MARCO: variants seen among roughly 807,000 people sequenced by gnomAD.
MARCO encodes the protein macrophage receptor MARCO.
MARCO carries 72 observed loss-of-function variants against 70.0 expected under a neutral mutation model. That is an observed-to-expected ratio of 1.03 (90% confidence interval 0.85 to 1.25). The LOEUF is 1.25. Ranked by LOEUF, MARCO falls within the 50% of genes most tolerant of loss-of-function variation. The pLI is 0.00. For missense variants in MARCO, 696 were observed against 659.3 expected, an observed-to-expected ratio of 1.06 and a Z score of -0.61; for synonymous variants, 273 against 243.1, an observed-to-expected ratio of 1.12 and a Z score of -1.14.
chr2:118,965,767 T>C (rs1316566747), intron 1 of MARCO, among the ~76,000 whole-genome samples: 1 of 152,218 alleles, frequency 6.6e-6, no homozygotes, highest in Non-Finnish European at 1.5e-5. Context: ...AATGACAATT[T>C]AGTTTTCAGA....
chr2:118,963,397 C>T (rs1421395021), intron 1 of MARCO, among the ~76,000 whole-genome samples: 1 of 151,918 alleles, frequency 6.6e-6, no homozygotes, highest in African/African-American at 2.4e-5. Context: ...TGGAGATTTT[C>T]CTGTTGCCTA....
intron 1 of MARCO, among the ~76,000 whole-genome samples, chr2:118,959,259 C>T (rs1439368992): frequency 1.3e-5 from 2 of 152,086 alleles, no homozygotes; most frequent in East Asian, 3.9e-4. Context: ...GATTAATGTC[C>T]AGAATCTACA....
intron 1 of MARCO, among the ~76,000 whole-genome samples, chr2:118,958,545 T>A (rs1458377410): frequency 6.6e-6 from 1 of 152,140 alleles, no homozygotes; most frequent in Non-Finnish European, 1.5e-5. Flanking sequence ...TGCTCATGGA[T>A]GGGTAGAAAC....
In MARCO at chr2:118,945,301, A is replaced by G. The variant is rs188619921; in HGVS notation, c.97+2904A>G. Among the ~76,000 whole-genome samples, 641 of 150,536 alleles carry G rather than the reference A, an allele frequency of 4.3e-3. 9 individuals are homozygous for G. Among genetic ancestry groups the G allele is most frequent in the Non-Finnish European group, 5.0e-3 (339 of 67,694 alleles). On this transcript the variant is annotated intron_variant, in intron 1 of 16. Transcript: ENST00000327097. ...TGTCTGGCTTTAGGCTTCCTGTCAC[A>G]CTCCTGGCCGTCTGGTTTCTCAAGG...
intron 8 of MARCO, among the ~76,000 whole-genome samples, chr2:118,979,965 A>T (rs1336635782): frequency 6.6e-6 from 1 of 152,250 alleles, no homozygotes; most frequent in African/African-American, 2.4e-5. Context: ...GAAGTCAGGC[A>T]GCTGTGCTTC....
chr2:118,959,000 G>A (rs1284597290), intron 1 of MARCO, among the ~76,000 whole-genome samples: 1 of 152,054 alleles, frequency 6.6e-6, no homozygotes, highest in African/African-American at 2.4e-5. Context: ...GATGGATTAA[G>A]GACTTAAACC....
At chr2:118,982,885 GAGTCTAGGTT>G (rs61198840) in intron 12 of MARCO, among the ~76,000 whole-genome samples, 26,136 of 152,070 alleles carry the variant, frequency 0.17, 4,522 homozygotes, top group African/African-American at 0.44. Context: ...AATGCCAACA[GAGTCTAGGTT>G]AGTCTAGGTT....
Position 118,942,532 on chromosome 2 carries a change from C to G in MARCO, c.97+135C>G, listed in dbSNP as rs1341717299. The G allele has an allele frequency of 7.7e-6, 5 of 646,726 alleles. No homozygotes were observed. The Admixed American group carries it at 1.3e-4, about 17-fold the overall frequency. 40.1% of individuals were successfully genotyped at this position (646,726 alleles called of 1,614,324 possible). A position where few individuals can be genotyped will look rare whatever the true frequency, so the allele number is the denominator to read the frequency against. ...ATTTTGCACGTAATCATCACTAATA[C>G]TGTCTGGAGTGCTTCAATTTGGAAT... On this transcript the variant is annotated intron_variant, in intron 1 of 16. Coordinates refer to ENST00000327097, the MANE Select transcript of MARCO (RefSeq NM_006770.4).
At chr2:118,980,859 G>A (rs750489487) in intron 8 of MARCO, among the ~76,000 whole-genome samples, 4 of 152,168 alleles carry the variant, frequency 2.6e-5, no homozygotes, top group Non-Finnish European at 5.9e-5. Flanking sequence ...AGGAGGGAGC[G>A]ACAGAGGACT....
intron 1 of MARCO, among the ~76,000 whole-genome samples, chr2:118,948,761 T>A (rs557314689): frequency 6.6e-6 from 1 of 152,226 alleles, no homozygotes; most frequent in South Asian, 2.1e-4. Flanking sequence ...GAAGAAGGAG[T>A]ATACTTATTA....
intron 16 of MARCO, 136 bp downstream of exon 16, chr2:118,993,436 T>C (rs561867459): frequency 2.5e-6 from 2 of 810,430 alleles, no homozygotes; most frequent in South Asian, 1.7e-5. Flanking sequence ...CAAAAAGCTC[T>C]GCAGTGCAGG....
chr2:118,962,213 G>A (rs1041545559), intron 1 of MARCO, among the ~76,000 whole-genome samples: 17 of 152,128 alleles, frequency 1.1e-4, no homozygotes, highest in African/African-American at 4.1e-4. Flanking sequence ...CTCTTTTTTG[G>A]TTCTGTATAA....
intron 1 of MARCO, among the ~76,000 whole-genome samples, chr2:118,964,333 T>G (rs1471378586): frequency 1.3e-5 from 2 of 152,248 alleles, no homozygotes; most frequent in Non-Finnish European, 2.9e-5. Context: ...CTTTCTTTTT[T>G]GAAATTCTAG....
rs144978461 is a variant in MARCO at position 118,991,827 on chromosome 2, A to C, written c.1159A>C (p.Lys387Gln). ...EQGSPGLAGPKGAPGQAGQKG... is the reference protein window; with the variant it reads ...EQGSPGLAGPQGAPGQAGQKG... Reference sequence around the variant, plus strand: ...GGGGAGCCCAGGGCTGGCAGGTCCCAAGGGAGCCCCTGGACAAGCTGGCCA... The same window carrying C: ...GGGGAGCCCAGGGCTGGCAGGTCCCCAGGGAGCCCCTGGACAAGCTGGCCA... Residue 387 changes from lysine to glutamine, a missense_variant, in exon 14 of 17, where the codon AAG becomes CAG. Transcript: ENST00000327097. The C allele has an allele frequency of 1.5e-4, 238 of 1,601,354 alleles. No individual in the cohort carries two copies. The Middle Eastern group carries it at 1.7e-3, about 11-fold the overall frequency.
Position 118,982,217 on chromosome 2 carries a change from G to A in MARCO, c.963G>A (p.Lys321=), listed in dbSNP as rs770203397. Residue 321 remains lysine (K), a synonymous_variant, in exon 11 of 17, where the codon AAG becomes AAA. Transcript: ENST00000327097. ...PPGAVGHPGA[K]GEPGSAGSPG... is the part of the protein sequence containing the mutation. ...GTGCAGTGGGACACCCAGGTGCCAA[G>A]GGTGAGCCTGGCAGTGCTGGCTCCC... The A allele has an allele frequency of 5.0e-6, 8 of 1,613,298 alleles. No homozygotes were observed. In the African/African-American group the frequency reaches 8.0e-5, roughly 16 times the overall value.
intron 1 of MARCO, among the ~76,000 whole-genome samples, chr2:118,947,461 C>G (rs1421818797): frequency 6.6e-6 from 1 of 152,172 alleles, no homozygotes; most frequent in African/African-American, 2.4e-5. Flanking sequence ...GAGGCTCATA[C>G]CACCATGCCT....
chr2:118,986,723 AAAGAAAGAAAGAAAGAGAAAGAAAG>A lies in MARCO; in HGVS notation c.1064-3864_1064-3840del, dbSNP rs1680521622. On this transcript the variant is annotated intron_variant, in intron 12 of 16. Transcript: ENST00000327097. ...AAAGAAAGAAAGAAAGAAAGAAAGAAAAGAAAGAAAGAAAGAGAAAGAAAGAGAAAGAAAGAAGAAAGAAAGAAAA... is the reference window on the plus strand; with the variant it reads ...AAAGAAAGAAAGAAAGAAAGAAAGAAAGAAAGAAAGAAGAAAGAAAGAAAA... Among the ~76,000 whole-genome samples the A allele has an allele frequency of 7.2e-5, 5 of 69,640 alleles. 2 individuals are homozygous for A. The African/African-American group carries it at 7.3e-4, about 10-fold the overall frequency. 45.7% of individuals were successfully genotyped at this position (69,640 alleles called of 152,430 possible). A position where few individuals can be genotyped will look rare whatever the true frequency, so the allele number is the denominator to read the frequency against.
Position 118,982,552 on chromosome 2 carries a change from A to T in MARCO, c.1063+142A>T, listed in dbSNP as rs1213912509. 12 of 791,288 alleles carry T rather than the reference A, an allele frequency of 1.5e-5. No individual in the cohort carries two copies. In the East Asian group the frequency reaches 3.0e-4, roughly 20 times the overall value. The allele number at this position is 791,288 out of a possible 1,614,324, so 49.0% of individuals were successfully genotyped here. A position where few individuals can be genotyped will look rare whatever the true frequency, so the allele number is the denominator to read the frequency against. On this transcript the variant is annotated intron_variant, in intron 12 of 16. Transcript: ENST00000327097. ...CTCTGAGGTTCCTGGTTATGGGGGC[A>T]GTTGCCCCTGCCAGGACCCCTTAAG...
At chr2:118,990,028 G>A (rs1186176925) in intron 12 of MARCO, among the ~76,000 whole-genome samples, 2 of 152,128 alleles carry the variant, frequency 1.3e-5, no homozygotes, top group Admixed American at 6.5e-5. Flanking sequence ...AACTACAATA[G>A]GATCATCATC....
Sources: gnomAD v4.1 joint callset for allele counts (sites outside exome capture counted in the v4.1 genomes callset) on GRCh38, gnomAD v4.1.1 for gene constraint, MANE v1.5 for transcripts, NCBI Gene and HGNC (gene_info 2026-07-23, HGNC 2026-07-21) for gene names.